ZNF780A: variants seen among roughly 807,000 people sequenced by gnomAD.
ZNF780A encodes zinc finger protein 780A.
A neutral mutation model predicts 56.7 loss-of-function variants in ZNF780A; 40 were observed. That is an observed-to-expected ratio of 0.71 (90% CI 0.55 to 0.92). The LOEUF is 0.92. Ranked by LOEUF, ZNF780A falls within the 40% of genes least tolerant of loss-of-function variation. ZNF780A has a pLI of 0.00. For missense variants in ZNF780A, 672 were observed against 783.3 expected (o/e 0.86, Z 1.70); for synonymous variants, 231 against 248.3 (o/e 0.93, Z 0.66).
chr19:40,079,862 C>T (rs1396252309), intron 5 of ZNF780A, among the ~76,000 whole-genome samples: 1 of 152,036 alleles, frequency 6.6e-6, no homozygotes, highest in African/African-American at 2.4e-5. Flanking sequence ...TGGCAATAAA[C>T]ACCTACATTG....
At chr19:40,069,834 T>C (rs1278117684), downstream of ZNF780A, 1 of 152,202 alleles carries the variant, frequency 6.6e-6, no homozygotes, top group East Asian at 1.9e-4. Flanking sequence ...TAGTTACCTA[T>C]TTGTATTGAT....
chr19:40,074,593 C>T lies in ZNF780A; in HGVS notation c.1849G>A (p.Glu617Lys), dbSNP rs950553656. 1.9e-6 allele frequency: 3 copies of T among 1,613,888 alleles called. No homozygotes were observed. Among genetic ancestry groups the T allele is most frequent in the Non-Finnish European group, 2.5e-6 (3 of 1,179,942 alleles). Residue 617 changes from glutamate to lysine, a missense_variant, in exon 6 of 6, where the codon GAA becomes AAA. Transcript: ENST00000683561. The stretch of plus-strand genomic sequence containing the variant: ...GGAAGACTAAAAACCTTTCCACATT[C>T]CTTACATTCAAAGGGTTTCTCACCA... ...HTGEKPFECK[E>K]CGKVFSLPTQ...
chr19:40,087,079 A>G (rs979731667), intron 2 of ZNF780A, among the ~76,000 whole-genome samples: 1 of 152,102 alleles, frequency 6.6e-6, no homozygotes, highest in Non-Finnish European at 1.5e-5. Context: ...TTTTCTTTTC[A>G]TAATTCCTTA....
intron 5 of ZNF780A, among the ~76,000 whole-genome samples, chr19:40,081,410 G>A (rs772085646): frequency 2.0e-5 from 3 of 151,776 alleles, no homozygotes; most frequent in South Asian, 2.1e-4. Context: ...GTGGGCACCC[G>A]TCATCCCAGC....
chr19:40,085,185 G>A lies in ZNF780A; in HGVS notation c.-45-387C>T, dbSNP rs80058615. The A allele has an allele frequency of 8.3e-4, 814 of 985,452 alleles. 7 individuals are homozygous for A. The African/African-American group carries it at 0.013, about 16-fold the overall frequency. 61.0% of individuals were successfully genotyped at this position (985,452 alleles called of 1,614,324 possible). On this transcript the variant is annotated intron_variant, in intron 2 of 5. Coordinates refer to ENST00000683561, the MANE Select transcript of ZNF780A (RefSeq NM_001142578.2). ...CAGTCCCACCTTTCAGAGCTGAGAA[G>A]GGATTGCATCATCCAAACCAGAACC...
chr19:40,082,132 A>T (rs1974520188), intron 4 of ZNF780A, among the ~76,000 whole-genome samples: 1 of 152,116 alleles, frequency 6.6e-6, no homozygotes, highest in Non-Finnish European at 1.5e-5. Flanking sequence ...CCTTGAAAAG[A>T]GGTATAACTG....
intron 5 of ZNF780A, among the ~76,000 whole-genome samples, chr19:40,079,484 A>C (rs1359410039): frequency 2.0e-5 from 3 of 152,192 alleles, no homozygotes; most frequent in Non-Finnish European, 4.4e-5. Flanking sequence ...CACATTAGAC[A>C]AAACAGGCCT....
At chr19:40,072,876 C>T (rs1446945528), downstream of ZNF780A, 9 of 1,545,846 alleles carry the variant, frequency 5.8e-6, no homozygotes, top group East Asian at 2.2e-4. Flanking sequence ...TTCCAGGCTA[C>T]AATACACTAA....
intron 3 of ZNF780A, 89 bp from the exon 4 acceptor site, chr19:40,083,326 A>T: frequency 6.4e-7 from 1 of 1,558,212 alleles, no homozygotes; most frequent in Non-Finnish European, 8.7e-7. Context: ...TAGTGTAAGA[A>T]AAAAGCAATA....
At chr19:40,086,856 C>A (rs1030106272) in intron 2 of ZNF780A, among the ~76,000 whole-genome samples, 1 of 151,980 alleles carries the variant, frequency 6.6e-6, no homozygotes, top group Non-Finnish European at 1.5e-5. Context: ...GCGCCTGCCA[C>A]CACTCCCGGC....
chr19:40,074,786 A>T lies in ZNF780A; in HGVS notation c.1656T>A (p.Thr552=), dbSNP rs1375872845. 2 of 1,614,072 alleles carry T rather than the reference A, an allele frequency of 1.2e-6. No individual in the cohort carries two copies. Among genetic ancestry groups the T allele is most frequent in the Non-Finnish European group, 8.5e-7 (1 of 1,179,954 alleles). ...CCTTACATTCAAAGGGTTTCTTTCC[A>T]GTATGAATACTTCGATGTTGATTAA... ...SNLNQHRSIH[T]GKKPFECKEC... Residue 552 remains threonine (T), a synonymous_variant, in exon 6 of 6, where the codon ACT becomes ACA. Transcript: ENST00000683561.
At chr19:40,084,175 C>T (rs988826392) in intron 3 of ZNF780A, among the ~76,000 whole-genome samples, 1 of 152,112 alleles carries the variant, frequency 6.6e-6, no homozygotes, top group African/African-American at 2.4e-5. Flanking sequence ...TCCCAAAGTG[C>T]TGGGATTGCA....
chr19:40,080,548 A>C (rs1599842296), intron 5 of ZNF780A, among the ~76,000 whole-genome samples: 1 of 152,226 alleles, frequency 6.6e-6, no homozygotes, highest in Non-Finnish European at 1.5e-5. Context: ...ATTGGATGCC[A>C]TTATCCTAAG....
chr19:40,080,222 A>T (rs1399585082), intron 5 of ZNF780A, among the ~76,000 whole-genome samples: 2 of 152,106 alleles, frequency 1.3e-5, no homozygotes, highest in East Asian at 1.9e-4. Flanking sequence ...TATCTACCAA[A>T]CTCTCAAAGA....
chr19:40,074,619 G>A lies in ZNF780A; in HGVS notation c.1823C>T (p.Thr608Ile). 1 of 1,613,638 alleles carries A rather than the reference G, an allele frequency of 6.2e-7. No homozygotes were observed. Among genetic ancestry groups the A allele is most frequent in the Non-Finnish European group, 8.5e-7 (1 of 1,179,706 alleles). Reference protein sequence around the residue: ...MQLIRHQKLHTGEKPFECKEC... With the variant: ...MQLIRHQKLHIGEKPFECKEC... ...CTTACATTCAAAGGGTTTCTCACCA[G>A]TATGCAATTTCTGATGTCGAATAAG... Residue 608 changes from threonine (T) to isoleucine (I), a missense_variant, in exon 6 of 6, where the codon ACT becomes ATT. Thr to Ile is a moderately conservative substitution (Grantham distance 89). Coordinates refer to ENST00000683561, the MANE Select transcript of ZNF780A (RefSeq NM_001142578.2).
chr19:40,075,032 G>T lies in ZNF780A; in HGVS notation c.1410C>A (p.Asp470Glu). The T allele has an allele frequency of 6.2e-7, 1 of 1,613,756 alleles. No individual in the cohort carries two copies. Among genetic ancestry groups the T allele is most frequent in the Non-Finnish European group, 8.5e-7 (1 of 1,179,946 alleles). Reference protein sequence around the residue: ...LIEHSRIHTGDKPFECQDCGK... With the variant: ...LIEHSRIHTGEKPFECQDCGK... Reference sequence around the variant, plus strand: ...CACAGTCTTGACATTCAAATGGCTTGTCACCAGTATGAATTCGAGAATGTT... The same window carrying T: ...CACAGTCTTGACATTCAAATGGCTTTTCACCAGTATGAATTCGAGAATGTT... Residue 470 changes from aspartate to glutamate, a missense_variant, in exon 6 of 6, where the codon GAC becomes GAA. Asp to Glu is a conservative substitution (Grantham distance 45, BLOSUM62 2). Transcript: ENST00000683561.
At chr19:40,072,653 C>CA (rs200980070), downstream of ZNF780A, 44,964 of 558,926 alleles carry the variant, frequency 0.08, 1,500 homozygotes, top group African/African-American at 0.32. Flanking sequence ...CTTGCAACTG[C>CA]AAAAAAAAAA....
chr19:40,084,605 T>G lies in ZNF780A; in HGVS notation c.9+140A>C, dbSNP rs554767481. On this transcript the variant is annotated intron_variant, in intron 3 of 5. Coordinates refer to ENST00000683561, the MANE Select transcript of ZNF780A (RefSeq NM_001142578.2). Reference sequence around the variant, plus strand: ...GAAGAGCAGTGACTTTTTTTTTTTTTGTCACCAACCTTCACTGTAATGGGA... The same window carrying G: ...GAAGAGCAGTGACTTTTTTTTTTTTGGTCACCAACCTTCACTGTAATGGGA... 1.9e-5 allele frequency: 15 copies of G among 803,210 alleles called. No homozygotes were observed. The African/African-American group carries it at 2.1e-4, about 11-fold the overall frequency. 49.8% of individuals were successfully genotyped at this position (803,210 alleles called of 1,614,324 possible).
rs1975131824 is a variant in ZNF780A, at chr19:40,090,899, ACCTT to A, written c.-116+3_-116+6del. 1 of 152,288 alleles carries A rather than the reference ACCTT, an allele frequency of 6.6e-6. No homozygotes were observed. Among genetic ancestry groups the A allele is most frequent in the Non-Finnish European group, 1.5e-5 (1 of 68,142 alleles). 9.4% of individuals were successfully genotyped at this position (152,288 alleles called of 1,614,324 possible). A position where few individuals can be genotyped will look rare whatever the true frequency, so the allele number is the denominator to read the frequency against. ...ACAGATCTCTTCCTCAGACGTGAAG[ACCTT>A]ACCCCGCTATGTCGTCGACCCCGGA... On this transcript the variant is annotated splice_donor_5th_base_variant and intron_variant, in intron 1 of 5. Transcript: ENST00000683561.
Sources: allele counts gnomAD v4.1 joint callset (sites outside exome capture counted in the v4.1 genomes callset), GRCh38; gene constraint gnomAD v4.1.1; transcripts MANE v1.5; gene names NCBI Gene and HGNC (gene_info 2026-07-23, HGNC 2026-07-21).